The following NSD1 variants were observed in gnomAD, a reference collection of about 807,000 sequenced individuals.
NSD1 encodes histone-lysine N-methyltransferase, H3 lysine-36 specific.
In NSD1, 26 loss-of-function variants were observed where a neutral mutation model predicts 242.7. The observed-to-expected ratio is 0.11, with a 90% CI of 0.08 to 0.15. The LOEUF is 0.15. Among genes scored for constraint, NSD1 ranks in the 10% least tolerant of loss-of-function variants. The pLI is 1.00. For missense variants in NSD1, 2,495 were observed against 3,272.8 expected, an observed-to-expected ratio of 0.76 and a Z score of 5.80; for synonymous variants, 1,106 against 1,178.1, an observed-to-expected ratio of 0.94 and a Z score of 1.25.
intron 12 of NSD1, among the ~76,000 whole-genome samples, chr5:177,255,674 C>A (rs953265282): frequency 6.6e-6 from 1 of 152,048 alleles, no homozygotes; most frequent in African/African-American, 2.4e-5. Flanking sequence ...CCTCCACCTC[C>A]CAGGTTCAAG....
At chr5:177,194,928 G>T (rs967844849) in intron 3 of NSD1, among the ~76,000 whole-genome samples, 1 of 151,916 alleles carries the variant, frequency 6.6e-6, no homozygotes, top group Non-Finnish European at 1.5e-5. Flanking sequence ...GGAGGCTAAG[G>T]CGGGCAGATC....
chr5:177,163,233 A>G (rs1271051124), intron 2 of NSD1, among the ~76,000 whole-genome samples: 4 of 147,030 alleles, frequency 2.7e-5, no homozygotes, highest in African/African-American at 5.1e-5. Context: ...ACGTCCACCT[A>G]CTGGGTTCAA....
intron 8 of NSD1, 40 bp from the exon 9 acceptor site, chr5:177,244,155 T>A: frequency 7.0e-7 from 1 of 1,432,624 alleles, no homozygotes; most frequent in Non-Finnish European, 9.8e-7. Flanking sequence ...GTTTATTTTT[T>A]CATTCCTCTG....
intron 2 of NSD1, among the ~76,000 whole-genome samples, chr5:177,171,043 C>CG (rs2149797930): frequency 6.7e-6 from 1 of 150,096 alleles, no homozygotes; most frequent in South Asian, 2.1e-4. Flanking sequence ...GGAAACCGGG[C>CG]GGGGCGTGGT....
At position 177,257,522 on chromosome 5, in the gene NSD1, C is replaced by T. The variant is rs528673681; in HGVS notation, c.4966+371C>T. On this transcript the variant is annotated intron_variant, in intron 13 of 22. Coordinates refer to ENST00000439151, the MANE Select transcript of NSD1 (RefSeq NM_022455.5). ...CTGGGATTACAGGCGTGAGCCGCTGCGCCCGGCCGGCAACAGATATTTTCA... is the reference window on the plus strand; with the variant it reads ...CTGGGATTACAGGCGTGAGCCGCTGTGCCCGGCCGGCAACAGATATTTTCA... Among the ~76,000 whole-genome samples, 10 of 152,158 alleles carry T rather than the reference C, an allele frequency of 6.6e-5. No homozygotes were observed. The East Asian group carries it at 1.7e-3, about 27-fold the overall frequency.
Position 177,212,313 on chromosome 5 carries a change from T to G in NSD1, c.3796+118T>G. 5.2e-6 allele frequency: 5 copies of G among 954,092 alleles called. No homozygotes were observed. In the South Asian group the frequency reaches 5.8e-5, roughly 11 times the overall value. The allele number at this position is 954,092 out of a possible 1,614,324, so 59.1% of individuals were successfully genotyped here. ...TGAAGTATAAACTAGCGGGGAAGAA[T>G]CATCACTTCAATGAAGAAGGAGTTT... is the stretch of plus-strand genomic sequence containing the variant. On this transcript the variant is annotated intron_variant, in intron 5 of 22. Coordinates refer to ENST00000439151, the MANE Select transcript of NSD1 (RefSeq NM_022455.5).
At position 177,211,048 on chromosome 5, in the gene NSD1, G is replaced by A. The variant is rs1763297839; in HGVS notation, c.2649G>A (p.Lys883=). ...ATGTCAGTGACTCTGGAACATCAAA[G>A]CCATCAAAACCATTACTTTTCTCTT... ...GEDVSDSGTS[K]PSKPLLFSSA... is the part of the protein sequence containing the mutation. Residue 883 remains lysine, a synonymous_variant, in exon 5 of 23, where the codon AAG becomes AAA. Coordinates refer to ENST00000439151, the MANE Select transcript of NSD1 (RefSeq NM_022455.5). 6.2e-7 allele frequency: 1 copy of A among 1,614,196 alleles called. No individual in the cohort carries two copies. Among genetic ancestry groups the A allele is most frequent in the East Asian group, 2.2e-5 (1 of 44,888 alleles).
At chr5:177,204,361 T>C (rs1762724396) in intron 4 of NSD1, 69 bp downstream of exon 4, 3 of 1,435,804 alleles carry the variant, frequency 2.1e-6, no homozygotes, top group Admixed American at 3.5e-5. Flanking sequence ...AATGGCCTCT[T>C]ATTTATTTTC....
chr5:177,231,788 T>G (rs2149878556), intron 5 of NSD1, among the ~76,000 whole-genome samples: 1 of 152,328 alleles, frequency 6.6e-6, no homozygotes, highest in Admixed American at 6.5e-5. Flanking sequence ...TTCTTTTCTT[T>G]TGATCCATAA....
At chr5:177,267,765 T>A (rs1757612523) in intron 15 of NSD1, 47 bp downstream of exon 15, 1 of 1,567,604 alleles carries the variant, frequency 6.4e-7, no homozygotes, top group South Asian at 1.1e-5. Flanking sequence ...CCTCTGTTTC[T>A]TGAGACCTCT....
intron 2 of NSD1, among the ~76,000 whole-genome samples, chr5:177,165,509 A>G (rs1435763277): frequency 6.6e-6 from 1 of 152,106 alleles, no homozygotes; most frequent in Non-Finnish European, 1.5e-5. Context: ...AATTCCTTAT[A>G]TATTTTGGAT....
intron 13 of NSD1, among the ~76,000 whole-genome samples, chr5:177,259,594 ATG>A (rs1756822827): frequency 2.0e-5 from 3 of 152,022 alleles, no homozygotes; most frequent in Non-Finnish European, 4.4e-5. Flanking sequence ...ATTTGAGGGG[ATG>A]TGTTTCCTCT....
Position 177,211,833 on chromosome 5 carries a change from A to T in NSD1, c.3434A>T (p.Asn1145Ile). The change falls in exon 5 of 23, where the codon AAT (asparagine) becomes ATT (isoleucine). Residue 1145 changes from asparagine to isoleucine, a missense_variant. Physicochemically the swap from Asn to Ile is moderately radical, Grantham distance 149. Transcript: ENST00000439151. ...PELDSVMNSENDELNGVNQVV... is the reference protein window; with the variant it reads ...PELDSVMNSEIDELNGVNQVV... ...CTGGACTCTGTAATGAACAGTGAGA[A>T]TGATGAACTCAATGGTGTAAATCAA... The T allele has an allele frequency of 2.5e-6, 4 of 1,614,214 alleles. No individual in the cohort carries two copies. The highest frequency in any genetic ancestry group is 3.4e-6 in the Non-Finnish European group (4 of 1,180,032).
Position 177,219,426 on chromosome 5 carries a change from C to A in NSD1, c.3796+7231C>A, listed in dbSNP as rs560823934. 1.8e-4 allele frequency among the ~76,000 whole-genome samples: 27 copies of A among 152,084 alleles called. No individual in the cohort carries two copies. In the South Asian group the frequency reaches 5.2e-3, roughly 29 times the overall value. Reference sequence around the variant, plus strand: ...GGTCTCGATTTCCTGACCTTGTTATCCTCCTGTCTCCGCCTCCCAAAGTGC... The same window carrying A: ...GGTCTCGATTTCCTGACCTTGTTATACTCCTGTCTCCGCCTCCCAAAGTGC... On this transcript the variant is annotated intron_variant, in intron 5 of 22. Coordinates refer to ENST00000439151, the MANE Select transcript of NSD1 (RefSeq NM_022455.5).
At chr5:177,164,719 A>C (rs1759040637) in intron 2 of NSD1, among the ~76,000 whole-genome samples, 1 of 151,986 alleles carries the variant, frequency 6.6e-6, no homozygotes, top group South Asian at 2.1e-4. Flanking sequence ...AGGTGGGTGG[A>C]GATCACCTGA....
At chr5:177,268,874 T>C (rs1757728614) in intron 15 of NSD1, among the ~76,000 whole-genome samples, 1 of 152,238 alleles carries the variant, frequency 6.6e-6, no homozygotes, top group Non-Finnish European at 1.5e-5. Flanking sequence ...ACATAATGTC[T>C]AGTTCACTTA....
chr5:177,216,668 C>CT (rs1554191464), intron 5 of NSD1, among the ~76,000 whole-genome samples: 15 of 142,744 alleles, frequency 1.1e-4, no homozygotes, highest in African/African-American at 4.0e-4. Flanking sequence ...TCAGGGATCT[C>CT]TGTTTTTTTT....
Position 177,298,059 on chromosome 5 carries a change from A to G in NSD1, c.*2600A>G, listed in dbSNP as rs1581573767. 1 of 232,876 alleles carries G rather than the reference A, an allele frequency of 4.3e-6. No individual in the cohort carries two copies. The highest frequency in any genetic ancestry group is 6.0e-5 in the East Asian group (1 of 16,592). 14.4% of individuals were successfully genotyped at this position (232,876 alleles called of 1,614,324 possible). On this transcript the variant is annotated 3_prime_UTR_variant, in exon 23 of 23. Coordinates refer to ENST00000439151, the MANE Select transcript of NSD1 (RefSeq NM_022455.5). ...CAGCATGTGATACTAGATGGTTAAA[A>G]TCATGAAAGCAGTCACTATCCAATT...
At chr5:177,240,092 A>C (rs1440944606) in intron 8 of NSD1, among the ~76,000 whole-genome samples, 5 of 152,156 alleles carry the variant, frequency 3.3e-5, no homozygotes, top group African/African-American at 4.8e-5. Context: ...AAGTGAAAAA[A>C]ATTTTTAAAT....
Sources: gnomAD v4.1 joint callset for allele counts (sites outside exome capture counted in the v4.1 genomes callset) on GRCh38, gnomAD v4.1.1 for gene constraint, MANE v1.5 for transcripts, NCBI Gene and HGNC (gene_info 2026-07-23, HGNC 2026-07-21) for gene names.